HACL1: variants seen among roughly 807,000 people sequenced by gnomAD.
HACL1 encodes 2-hydroxyacyl-CoA lyase 1.
A neutral mutation model predicts 74.2 loss-of-function variants in HACL1; 64 were observed. That is an observed-to-expected ratio of 0.86 (90% confidence interval 0.70 to 1.06). The LOEUF (loss-of-function observed/expected upper bound fraction) is 1.06. Among genes scored for constraint, HACL1 ranks in the 50% least tolerant of loss-of-function variants. The pLI, the probability that HACL1 is intolerant of heterozygous loss-of-function variation, is 0.00. For synonymous variants in HACL1, 230 were observed against 238.8 expected, an observed-to-expected ratio of 0.96 and a Z score of 0.34; for missense variants, 728 against 719.7, an observed-to-expected ratio of 1.01 and a Z score of -0.13.
Position 15,575,088 on chromosome 3 carries a change from A to T in HACL1, c.804-6T>A, listed in dbSNP as rs759314991. On this transcript the variant is annotated splice_polypyrimidine_tract_variant and splice_region_variant and intron_variant, in intron 9 of 16. Coordinates refer to ENST00000321169, the MANE Select transcript of HACL1 (RefSeq NM_012260.4). The stretch of plus-strand genomic sequence containing the variant: ...CATCAGCAAATTGCAAAGCCCTATT[A>T]AAAAAATTGATATGAAAGTATAACT... The T allele has an allele frequency of 1.1e-5, 15 of 1,368,866 alleles. 1 individual carries two copies. The highest frequency in any genetic ancestry group is 1.6e-5 in the Non-Finnish European group (15 of 960,736). 84.8% of individuals were successfully genotyped at this position (1,368,866 alleles called of 1,614,324 possible). A position where few individuals can be genotyped will look rare whatever the true frequency, so the allele number is the denominator to read the frequency against.
At chr3:15,581,267 C>T (rs1380000057) in intron 8 of HACL1, among the ~76,000 whole-genome samples, 5 of 152,198 alleles carry the variant, frequency 3.3e-5, no homozygotes, top group Admixed American at 6.5e-5. Context: ...CCCTTGATGA[C>T]ATTAAAAATA....
At position 15,589,664 on chromosome 3, in the gene HACL1, A is replaced by C. The variant is rs770714473; in HGVS notation, c.309-52T>G. On this transcript the variant is annotated intron_variant, in intron 4 of 16. Transcript: ENST00000321169. ...TAATTACAAATTAGATCATCATGTA[A>C]AACACTAAACACAGTGTCTAATTCA... 5 of 999,654 alleles carry C rather than the reference A, an allele frequency of 5.0e-6. No homozygotes were observed. In the African/African-American group the frequency reaches 8.0e-5, roughly 16 times the overall value. The allele number at this position is 999,654 out of a possible 1,614,324, so 61.9% of individuals were successfully genotyped here.
chr3:15,596,411 G>T lies in HACL1; in HGVS notation c.200C>A (p.Ala67Asp). ...GCTTGTCAGATATCCAATCGCGGAG[G>T]CAGCATAACAAGCCTACGAGAAAAC... ...MRNEQAACYA[A>D]SAIGYLTSRP... The change falls in exon 3 of 17, where the codon GCC becomes GAC. Residue 67 changes from alanine (A) to aspartate (D), a missense_variant. By Grantham distance (126) the Ala-to-Asp change is moderately radical. Transcript: ENST00000321169. The T allele has an allele frequency of 6.3e-7, 1 of 1,598,798 alleles. No individual in the cohort carries two copies. Among genetic ancestry groups the T allele is most frequent in the Non-Finnish European group, 8.6e-7 (1 of 1,166,190 alleles).
intron 10 of HACL1, among the ~76,000 whole-genome samples, chr3:15,574,041 C>T (rs777716500): frequency 2.0e-5 from 3 of 152,130 alleles, no homozygotes; most frequent in Middle Eastern, 3.2e-3. Flanking sequence ...AAAAGGTAGA[C>T]TGGGAAAAGG....
intron 9 of HACL1, among the ~76,000 whole-genome samples, chr3:15,578,097 C>CAAAAAAAAA (rs397876768): frequency 1.7e-5 from 1 of 60,292 alleles, no homozygotes; most frequent in African/African-American, 5.2e-5. Flanking sequence ...GACTCCGTCT[C>CAAAAAAAAA]AAAAAAAAAA....
In HACL1 at chr3:15,582,895, G is replaced by T; in HGVS notation, c.649C>A (p.Leu217Ile). 1 of 1,587,984 alleles carries T rather than the reference G, an allele frequency of 6.3e-7. No individual in the cohort carries two copies. The highest frequency in any genetic ancestry group is 8.6e-7 in the Non-Finnish European group (1 of 1,156,662). The change falls in exon 8 of 17, where the codon CTT (leucine) becomes ATT (isoleucine). Residue 217 changes from leucine to isoleucine, a missense_variant. Transcript: ENST00000321169. Reference protein sequence around the residue: ...ASVIRNAKQPLLIIGKGAAYA... With the variant: ...ASVIRNAKQPILIIGKGAAYA... Reference sequence around the variant, plus strand: ...ATGCTACCTTTCCCGATGATAAGAAGGGGTTGTTTGGCATTCCTAATAACA... The same window carrying T: ...ATGCTACCTTTCCCGATGATAAGAATGGGTTGTTTGGCATTCCTAATAACA...
At chr3:15,594,747 T>C (rs936039437) in intron 3 of HACL1, among the ~76,000 whole-genome samples, 2 of 152,250 alleles carry the variant, frequency 1.3e-5, no homozygotes, top group Non-Finnish European at 2.9e-5. Flanking sequence ...TTTTAATTAA[T>C]TTAAATGTAA....
At chr3:15,586,274 T>C (rs889905965) in intron 6 of HACL1, among the ~76,000 whole-genome samples, 1 of 152,192 alleles carries the variant, frequency 6.6e-6, no homozygotes, top group Non-Finnish European at 1.5e-5. Flanking sequence ...TACTTTTGTA[T>C]AATTAAAAAG....
chr3:15,592,448 A>ACACACGTATGCATG lies in HACL1; in HGVS notation c.228-769_228-768insCATGCATACGTGTG, dbSNP rs1553644896. On this transcript the variant is annotated intron_variant, in intron 3 of 16. Transcript: ENST00000321169. Reference sequence around the variant, plus strand: ...CGTATGCATGTAGACACACGTATACATACACACACGTATACATACACACAC... The same window carrying ACACACGTATGCATG: ...CGTATGCATGTAGACACACGTATACACACACGTATGCATGTACACACACGTATACATACACACAC... Among the ~76,000 whole-genome samples, 447 of 134,874 alleles carry ACACACGTATGCATG rather than the reference A, an allele frequency of 3.3e-3. 11 individuals are homozygous for ACACACGTATGCATG. Among genetic ancestry groups the ACACACGTATGCATG allele is most frequent in the African/African-American group, 0.013 (425 of 32,236 alleles). 88.5% of individuals were successfully genotyped at this position (134,874 alleles called of 152,430 possible).
intron 3 of HACL1, among the ~76,000 whole-genome samples, chr3:15,594,728 GTTAT>G (rs2064024638): frequency 6.6e-6 from 1 of 152,216 alleles, no homozygotes; most frequent in African/African-American, 2.4e-5. Flanking sequence ...TGATTTAAAT[GTTAT>G]TTAATTTTAA....
chr3:15,600,803 T>C (rs2064203076), intron 2 of HACL1: 3 of 476,166 alleles, frequency 6.3e-6, no homozygotes, highest in South Asian at 5.4e-5. Context: ...ATTCCAATCA[T>C]GACATACAGT....
chr3:15,591,845 G>A (rs577154611), intron 3 of HACL1, among the ~76,000 whole-genome samples, 165 bp from the exon 4 acceptor site: 43 of 149,990 alleles, frequency 2.9e-4, no homozygotes, highest in Non-Finnish European at 5.2e-4. Context: ...AAAACAAGGC[G>A]ATATATATAT....
chr3:15,567,965 A>G lies in HACL1; in HGVS notation c.1288T>C (p.Leu430=). ...AGTFGTMGVG[L]GFAIAAAVVA... is the part of the protein sequence containing the mutation. ...ACGGCAGCTGCAATAGCAAATCCCA[A>G]ACCAACTCCCATTGTTCCGAAAGTA... is the stretch of plus-strand genomic sequence containing the variant. Residue 430 remains leucine, a synonymous_variant, in exon 14 of 17, where the codon TTG becomes CTG. Transcript: ENST00000321169. 1 of 1,614,144 alleles carries G rather than the reference A, an allele frequency of 6.2e-7. No homozygotes were observed. The highest frequency in any genetic ancestry group is 8.5e-7 in the Non-Finnish European group (1 of 1,179,998).
intron 8 of HACL1, 135 bp from the exon 9 acceptor site, chr3:15,580,180 T>C (rs1443969775): frequency 1.3e-5 from 9 of 671,098 alleles, no homozygotes; most frequent in African/African-American, 1.3e-4. Flanking sequence ...CAGGCTGGAG[T>C]GCAGTGGCAT....
rs2063854638 is a variant in HACL1, at chr3:15,589,605, G to C, written c.316C>G (p.Leu106Val). Residue 106 changes from leucine (L) to valine (V), a missense_variant, in exon 5 of 17, where the codon CTT becomes GTT. By Grantham distance (32) the Leu-to-Val change is conservative (BLOSUM62 1). Coordinates refer to ENST00000321169, the MANE Select transcript of HACL1 (RefSeq NM_012260.4). Reference sequence around the variant, plus strand: ...CTTTCAGAGGAACCACCAATCACAAGCAAGGGCCTGAAACAATCATTTTTT... The same window carrying C: ...CTTTCAGAGGAACCACCAATCACAACCAAGGGCCTGAAACAATCATTTTTT... ...ANANMNCWPL[L>V]VIGGSSERNQ... 6.2e-7 allele frequency: 1 copy of C among 1,601,524 alleles called. No homozygotes were observed. Among genetic ancestry groups the C allele is most frequent in the African/African-American group, 1.3e-5 (1 of 74,620 alleles).
chr3:15,568,127 T>C (rs749447141), intron 13 of HACL1, 125 bp from the exon 14 acceptor site: 1 of 839,984 alleles, frequency 1.2e-6, no homozygotes, highest in Non-Finnish European at 1.9e-6. Context: ...AACATTCTCT[T>C]TCTTCAATAT....
At chr3:15,590,356 A>G (rs1200945651) in intron 4 of HACL1, among the ~76,000 whole-genome samples, 1 of 152,112 alleles carries the variant, frequency 6.6e-6, no homozygotes, top group Non-Finnish European at 1.5e-5. Context: ...GATATGGGAA[A>G]CCTTAAGGTA....
intron 2 of HACL1, among the ~76,000 whole-genome samples, chr3:15,598,594 A>G (rs2064119030): frequency 6.6e-6 from 1 of 152,238 alleles, no homozygotes; most frequent in Admixed American, 6.5e-5. Flanking sequence ...ACACACAGTA[A>G]GCTCTCAAGA....
At chr3:15,573,439 A>T (rs1185496283) in intron 10 of HACL1, among the ~76,000 whole-genome samples, 197 bp from the exon 11 acceptor site, 1 of 152,242 alleles carries the variant, frequency 6.6e-6, no homozygotes, top group East Asian at 1.9e-4. Flanking sequence ...GAGCCTCATT[A>T]TCTTCCCTCA....
Sources: gnomAD v4.1 joint callset for allele counts (sites outside exome capture counted in the v4.1 genomes callset) on GRCh38, gnomAD v4.1.1 for gene constraint, MANE v1.5 for transcripts, NCBI Gene and HGNC (gene_info 2026-07-23, HGNC 2026-07-21) for gene names.